ROBO1: variants seen among roughly 807,000 people sequenced by gnomAD.
ROBO1 encodes roundabout homolog 1.
ROBO1 carries 149 observed loss-of-function variants against 195.9 expected under a neutral mutation model. The observed-to-expected ratio is 0.76, with a 90% confidence interval of 0.67 to 0.87. ROBO1 has a LOEUF of 0.87. Among genes scored for constraint, ROBO1 ranks in the 40% least tolerant of loss-of-function variants. The pLI, the probability that ROBO1 is intolerant of heterozygous loss-of-function variation, is 0.00. For missense variants in ROBO1, 1,933 were observed against 2,068.3 expected (o/e 0.93, Z 1.27); for synonymous variants, 816 against 733.2 (o/e 1.11, Z -1.82).
At chr3:79,749,687 C>T (rs1427617883) in intron 1 of ROBO1, among the ~76,000 whole-genome samples, 2 of 152,188 alleles carry the variant, frequency 1.3e-5, no homozygotes, top group Non-Finnish European at 2.9e-5. Context: ...GGTGCAAGCC[C>T]CAAGCCTTAG....
intron 4 of ROBO1, among the ~76,000 whole-genome samples, chr3:78,921,716 ATAGT>A (rs1417138298): frequency 1.2e-4 from 19 of 152,308 alleles, no homozygotes; most frequent in African/African-American, 4.3e-4. Flanking sequence ...TCTGGCATGA[ATAGT>A]TAAAGTTTTC....
intron 2 of ROBO1, among the ~76,000 whole-genome samples, chr3:79,339,024 C>A (rs959168195): frequency 6.6e-6 from 1 of 152,066 alleles, no homozygotes; most frequent in Non-Finnish European, 1.5e-5. Flanking sequence ...TCTTTCTTCC[C>A]ACCTACAATC....
chr3:79,150,494 G>A (rs902020789), intron 2 of ROBO1, among the ~76,000 whole-genome samples: 5 of 151,586 alleles, frequency 3.3e-5, no homozygotes, highest in Middle Eastern at 3.2e-3. Flanking sequence ...ATTATGGCAG[G>A]TAGGAAATGC....
chr3:79,222,909 T>C (rs116430083), intron 2 of ROBO1, among the ~76,000 whole-genome samples: 1,724 of 152,218 alleles, frequency 0.011, 12 homozygotes, highest in Non-Finnish European at 0.017. Context: ...AGCCTTAAGC[T>C]CTTGCTGTTA....
rs140694435 is a variant in ROBO1, at chr3:79,482,895, T to C, written c.88+106929A>G. Among the ~76,000 whole-genome samples, 703 of 152,248 alleles carry C rather than the reference T, an allele frequency of 4.6e-3. 6 individuals carry two copies. The highest frequency in any genetic ancestry group is 0.016 in the African/African-American group (665 of 41,536). On this transcript the variant is annotated intron_variant, in intron 2 of 30. Transcript: ENST00000464233. Reference sequence around the variant, plus strand: ...TAGTTAATTTTATCCTCAAGTCCATTTTCCTCTTCTTCTATAATAATTGTT... The same window carrying C: ...TAGTTAATTTTATCCTCAAGTCCATCTTCCTCTTCTTCTATAATAATTGTT...
chr3:79,709,705 G>C (rs1012072561), intron 1 of ROBO1, among the ~76,000 whole-genome samples: 2 of 150,700 alleles, frequency 1.3e-5, no homozygotes, highest in Non-Finnish European at 2.9e-5. Context: ...GTGTCCCTCC[G>C]CCTGCCCCAA....
chr3:79,247,705 C>T (rs994464789), intron 2 of ROBO1, among the ~76,000 whole-genome samples: 1 of 152,018 alleles, frequency 6.6e-6, no homozygotes, highest in Admixed American at 6.6e-5. Flanking sequence ...CTTTGTGCTA[C>T]AACGCTCACA....
At chr3:78,969,894 T>C (rs2076725635) in intron 3 of ROBO1, among the ~76,000 whole-genome samples, 4 of 152,204 alleles carry the variant, frequency 2.6e-5, no homozygotes, top group Admixed American at 2.6e-4. Flanking sequence ...TGTTGCTAAA[T>C]ACTCAGTGAG....
At chr3:78,905,312 G>C (rs1323984616) in intron 4 of ROBO1, among the ~76,000 whole-genome samples, 1 of 152,096 alleles carries the variant, frequency 6.6e-6, no homozygotes, top group Non-Finnish European at 1.5e-5. Flanking sequence ...CTAAGGGAGA[G>C]AGAAAGAGAA....
intron 23 of ROBO1, chr3:78,634,542 T>C: frequency 2.9e-6 from 1 of 342,898 alleles, no homozygotes; most frequent in South Asian, 2.3e-5. Context: ...CCAAATCTGC[T>C]TACAAGCAGT....
intron 2 of ROBO1, among the ~76,000 whole-genome samples, chr3:79,448,214 C>G (rs2039329596): frequency 6.6e-6 from 1 of 152,074 alleles, no homozygotes; most frequent in Non-Finnish European, 1.5e-5. Flanking sequence ...TCATATTAGG[C>G]AATGATTTCA....
chr3:78,964,088 G>C (rs887815768), intron 3 of ROBO1, among the ~76,000 whole-genome samples: 1 of 152,014 alleles, frequency 6.6e-6, no homozygotes, highest in African/African-American at 2.4e-5. Flanking sequence ...GCAGTTCCCC[G>C]GCGGCTGCTG....
At position 78,648,897 on chromosome 3, in the gene ROBO1, C is replaced by T. The variant is rs576963814; in HGVS notation, c.2813-1242G>A. 2.6e-5 allele frequency among the ~76,000 whole-genome samples: 4 copies of T among 152,068 alleles called. No individual in the cohort carries two copies. In the East Asian group the frequency reaches 7.8e-4, roughly 30 times the overall value. On this transcript the variant is annotated intron_variant, in intron 19 of 30. Coordinates refer to ENST00000464233, the MANE Select transcript of ROBO1 (RefSeq NM_002941.4). ...TTGCAAACCGAAACGCTATAGCGTC[C>T]TCTACAATTGTCACTTCTTACCAAG...
chr3:79,198,928 G>T (rs1247800338), intron 2 of ROBO1, among the ~76,000 whole-genome samples: 2 of 152,026 alleles, frequency 1.3e-5, no homozygotes, highest in African/African-American at 4.8e-5. Context: ...GAGATTTTGG[G>T]CTGAGATGAT....
chr3:79,535,690 A>T (rs1941830619), intron 2 of ROBO1, among the ~76,000 whole-genome samples: 1 of 152,152 alleles, frequency 6.6e-6, no homozygotes, highest in South Asian at 2.1e-4. Context: ...ATGTAATAAA[A>T]TAGATTGAGG....
intron 18 of ROBO1, among the ~76,000 whole-genome samples, chr3:78,656,060 G>T (rs1340535949): frequency 6.6e-6 from 1 of 151,198 alleles, no homozygotes; most frequent in Admixed American, 6.6e-5. Context: ...TTACTAATTT[G>T]TACTTTATGT....
intron 1 of ROBO1, among the ~76,000 whole-genome samples, chr3:79,706,968 T>C (rs1157199435): frequency 6.6e-6 from 1 of 152,100 alleles, no homozygotes; most frequent in African/African-American, 2.4e-5. Flanking sequence ...GTAGGTTTTT[T>C]TTCTTGTGCT....
At chr3:78,610,180 C>G (rs967112517) in intron 28 of ROBO1, among the ~76,000 whole-genome samples, 83 of 152,170 alleles carry the variant, frequency 5.5e-4, no homozygotes, top group Non-Finnish European at 1.0e-4. Flanking sequence ...TTTATAAAAT[C>G]AAGTTTTTTT....
chr3:78,706,036 T>G (rs1470533241), intron 8 of ROBO1, among the ~76,000 whole-genome samples: 1 of 151,004 alleles, frequency 6.6e-6, no homozygotes, highest in Admixed American at 6.6e-5. Flanking sequence ...CAAAGCAAAG[T>G]CAGCAAAGTG....
Sources: gnomAD v4.1 joint callset for allele counts (sites outside exome capture counted in the v4.1 genomes callset) on GRCh38, gnomAD v4.1.1 for gene constraint, MANE v1.5 for transcripts, NCBI Gene and HGNC (gene_info 2026-07-23, HGNC 2026-07-21) for gene names.